HAO2: variants seen among roughly 807,000 people sequenced by gnomAD.
HAO2 encodes the protein 2-Hydroxyacid oxidase 2.
Under a neutral mutation model 37.4 loss-of-function variants are expected in HAO2, and 42 were observed. That is an observed-to-expected ratio of 1.12 (90% CI 0.88 to 1.45). The LOEUF is 1.45. HAO2 is among the 40% of genes most tolerant of loss of function. The pLI is 0.00. For missense variants in HAO2, 476 were observed against 430.2 expected (o/e 1.11, Z -0.94); for synonymous variants, 180 against 162.8 (o/e 1.11, Z -0.81).
chr1:119,370,130 G>A (rs1648861687), intron 1 of HAO2: 1 of 152,166 alleles, frequency 6.6e-6, no homozygotes, highest in South Asian at 2.1e-4. Context: ...AGGAAACAAA[G>A]CTGGAGGGTC....
rs1487289538 is a variant in HAO2 at position 119,384,973 on chromosome 1, G to C, written c.481G>C (p.Val161Leu). ...TTTGGTAATAACTTTGGATACACCT[G>C]TATGTGGCAACAGGCGACATGACAT... Reference protein sequence around the residue: ...KALVITLDTPVCGNRRHDIRN... With the variant: ...KALVITLDTPLCGNRRHDIRN... Residue 161 changes from valine (V) to leucine (L), a missense_variant, in exon 4 of 8, where the codon GTA becomes CTA. Coordinates refer to ENST00000325945, the MANE Select transcript of HAO2 (RefSeq NM_016527.4). 1.2e-6 allele frequency: 2 copies of C among 1,613,810 alleles called. No individual in the cohort carries two copies. The highest frequency in any genetic ancestry group is 1.7e-5 in the Admixed American group (1 of 60,018).
intron 1 of HAO2, among the ~76,000 whole-genome samples, chr1:119,375,192 A>C (rs1649349374): frequency 6.6e-6 from 1 of 152,172 alleles, no homozygotes; most frequent in South Asian, 2.1e-4. Context: ...AAGAAGACAA[A>C]ATAAAGTGGG....
intron 1 of HAO2, chr1:119,380,789 C>G: frequency 9.9e-7 from 1 of 1,009,132 alleles, no homozygotes; most frequent in Non-Finnish European, 1.6e-6. Context: ...TCAACTAGGT[C>G]TAAGGTGGTG....
At position 119,376,292 on chromosome 1, in the gene HAO2, G is replaced by C. The variant is rs1427380609; in HGVS notation, c.-8-4786G>C. Among the ~76,000 whole-genome samples the C allele has an allele frequency of 4.6e-5, 7 of 152,180 alleles. No individual in the cohort carries two copies. The East Asian group carries it at 1.3e-3, about 29-fold the overall frequency. ...TCCAGCAGAGCAGTCAAATCTTAAA[G>C]CTCCAAAATGATCTTTTTGACTCCA... On this transcript the variant is annotated intron_variant, in intron 1 of 7. Transcript: ENST00000325945.
At chr1:119,376,056 C>A (rs587755062) in intron 1 of HAO2, among the ~76,000 whole-genome samples, 1 of 152,258 alleles carries the variant, frequency 6.6e-6, no homozygotes, top group East Asian at 1.9e-4. Context: ...TCCTCAAAGT[C>A]ATAACTAATT....
intron 5 of HAO2, among the ~76,000 whole-genome samples, chr1:119,390,480 C>T (rs587681982): frequency 6.6e-6 from 1 of 152,298 alleles, no homozygotes; most frequent in East Asian, 1.9e-4. Context: ...AACTCCTCAC[C>T]TCAGGTGGTT....
chr1:119,393,958 TATTTC>T lies in HAO2; in HGVS notation c.*119_*123del. 6.4e-7 allele frequency: 1 copy of T among 1,561,860 alleles called. No individual in the cohort carries two copies. The highest frequency in any genetic ancestry group is 8.7e-7 in the Non-Finnish European group (1 of 1,146,442). Reference sequence around the variant, plus strand: ...ATTCTGTCCGGAGGCTCATGGCCCATATTTCCCACATTTCTAATACCACCACCCCT... The same window carrying T: ...ATTCTGTCCGGAGGCTCATGGCCCATCCACATTTCTAATACCACCACCCCT... On this transcript the variant is annotated 3_prime_UTR_variant, in exon 8 of 8. Coordinates refer to ENST00000325945, the MANE Select transcript of HAO2 (RefSeq NM_016527.4).
At chr1:119,386,596 C>G (rs753764199) in intron 4 of HAO2, 26 bp from the exon 5 acceptor site, 6 of 1,427,390 alleles carry the variant, frequency 4.2e-6, no homozygotes, top group Non-Finnish European at 4.0e-6. Context: ...GAGCTCAGGA[C>G]TAAGTTCCCT....
rs943171009 is a variant in HAO2 at position 119,380,705 on chromosome 1, A to T, written c.-8-373A>T. On this transcript the variant is annotated intron_variant, in intron 1 of 7. Transcript: ENST00000325945. ...TCCCAGGAAGCTGATGGAAGACAAG[A>T]TGTGGAGTGAATGTGAAGGCAAGAT... 3.1e-6 allele frequency: 5 copies of T among 1,602,986 alleles called. No homozygotes were observed. The East Asian group carries it at 1.1e-4, about 36-fold the overall frequency.
At chr1:119,378,421 T>C (rs1649652597) in intron 1 of HAO2, among the ~76,000 whole-genome samples, 1 of 152,216 alleles carries the variant, frequency 6.6e-6, no homozygotes, top group South Asian at 2.1e-4. Flanking sequence ...AGCCAAACCA[T>C]ATCACTGATC....
intron 1 of HAO2, among the ~76,000 whole-genome samples, chr1:119,371,958 A>C (rs1649065574): frequency 6.6e-6 from 1 of 152,220 alleles, no homozygotes; most frequent in Admixed American, 6.5e-5. Context: ...GTATGCCCTA[A>C]ACTATGTTCA....
intron 1 of HAO2, 81 bp downstream of exon 1, chr1:119,368,983 G>A (rs867525940): frequency 3.3e-5 from 5 of 152,238 alleles, no homozygotes; most frequent in Admixed American, 6.5e-5. Context: ...GGAAGATATC[G>A]TGGAAGCCAA....
At position 119,380,183 on chromosome 1, in the gene HAO2, T is replaced by A. The variant is rs189212151; in HGVS notation, c.-8-895T>A. Among the ~76,000 whole-genome samples the A allele has an allele frequency of 8.5e-5, 13 of 152,264 alleles. No individual in the cohort carries two copies. In the East Asian group the frequency reaches 2.3e-3, roughly 27 times the overall value. ...ATGCTGTAACTGAAAGCAACTAGTG[T>A]CTTCAGCGTCTCTGCTGCTGTTTCT... On this transcript the variant is annotated intron_variant, in intron 1 of 7. Coordinates refer to ENST00000325945, the MANE Select transcript of HAO2 (RefSeq NM_016527.4).
intron 1 of HAO2, among the ~76,000 whole-genome samples, chr1:119,377,854 G>T (rs1649600060): frequency 6.6e-6 from 1 of 152,210 alleles, no homozygotes. Context: ...ATCACCTGAG[G>T]TCAGGAGTTT....
At position 119,393,812 on chromosome 1, in the gene HAO2, G is replaced by A. The variant is rs775135179; in HGVS notation, c.1028G>A (p.Arg343Gln). The A allele has an allele frequency of 1.4e-5, 23 of 1,613,016 alleles. No homozygotes were observed. Among genetic ancestry groups the A allele is most frequent in the African/African-American group, 2.7e-5 (2 of 74,796 alleles). ...TGCCGGTCGGTCGCTGAGATCAATC[G>A]AAACTTGGTCCAGTTTTCCAGGCTG... ...TGCRSVAEIN[R>Q]NLVQFSRL Residue 343 changes from arginine (R) to glutamine (Q), a missense_variant, in exon 8 of 8, where the codon CGA becomes CAA. Arg to Gln is a conservative substitution (Grantham distance 43, BLOSUM62 1). Transcript: ENST00000325945.
Position 119,384,802 on chromosome 1 carries a change from A to T in HAO2, c.310A>T (p.Ile104Phe), listed in dbSNP as rs1206122263. ...RAAQAAGICY[I>F]TSTFASCSLE... ...TGCCCAAGCGGCTGGTATCTGCTAC[A>T]TCACCAGCACATTTGCCAGCTGTAG... Residue 104 changes from isoleucine to phenylalanine, a missense_variant, in exon 4 of 8, where the codon ATC becomes TTC. Ile to Phe is a conservative substitution (Grantham distance 21). Transcript: ENST00000325945. The T allele has an allele frequency of 1.2e-6, 2 of 1,613,752 alleles. No individual in the cohort carries two copies. Among genetic ancestry groups the T allele is most frequent in the Non-Finnish European group, 1.7e-6 (2 of 1,179,856 alleles).
intron 1 of HAO2, chr1:119,380,727 AG>A: frequency 6.3e-7 from 1 of 1,587,150 alleles, no homozygotes; most frequent in Non-Finnish European, 8.6e-7. Context: ...TGTGAAGGCA[AG>A]ATACAAAAAT....
At position 119,383,085 on chromosome 1, in the gene HAO2, T is replaced by C. The variant is rs587615773; in HGVS notation, c.283+19T>C. The C allele has an allele frequency of 1.3e-6, 2 of 1,594,754 alleles. No homozygotes were observed. Among genetic ancestry groups the C allele is most frequent in the South Asian group, 1.1e-5 (1 of 88,718 alleles). The stretch of plus-strand genomic sequence containing the variant: ...GCAAGAGGTATGAACCATCCCCACC[T>C]CGAGGCTCCTTTCCGGGAGGAGGTG... On this transcript the variant is annotated intron_variant, in intron 3 of 7. Coordinates refer to ENST00000325945, the MANE Select transcript of HAO2 (RefSeq NM_016527.4).
At chr1:119,386,995 A>AAGGACT (rs1650442240) in intron 5 of HAO2, among the ~76,000 whole-genome samples, 164 bp downstream of exon 5, 1 of 152,140 alleles carries the variant, frequency 6.6e-6, no homozygotes, top group South Asian at 2.1e-4. Flanking sequence ...AATTATTATT[A>AAGGACT]GTAGCCTACT....
Sources: allele counts gnomAD v4.1 joint callset (sites outside exome capture counted in the v4.1 genomes callset), GRCh38; gene constraint gnomAD v4.1.1; transcripts MANE v1.5; gene names NCBI Gene and HGNC (gene_info 2026-07-23, HGNC 2026-07-21).